NAALADL2: variants seen among roughly 807,000 people sequenced by gnomAD.
The protein encoded by NAALADL2 is inactive N-acetylated-alpha-linked acidic dipeptidase-like protein 2.
Under a neutral mutation model 87.2 loss-of-function variants are expected in NAALADL2, and 76 were observed. The ratio of observed to expected loss-of-function variants is 0.87; its 90% CI spans 0.72 to 1.05. The LOEUF (loss-of-function observed/expected upper bound fraction) is 1.05. Ranked by LOEUF, NAALADL2 falls within the 50% of genes least tolerant of loss-of-function variation. The pLI is 0.00. For synonymous variants in NAALADL2, 354 were observed against 331.0 expected (o/e 1.07, Z -0.75); for missense variants, 1,089 against 945.8 (o/e 1.15, Z -1.99).
At chr3:175,131,062 G>T (rs1247501036) in intron 2 of NAALADL2, among the ~76,000 whole-genome samples, 2 of 150,720 alleles carry the variant, frequency 1.3e-5, no homozygotes, top group Non-Finnish European at 3.0e-5. Flanking sequence ...CCATTTATTT[G>T]TGTCTTTTAA....
At chr3:174,687,603 A>G (rs1394634922) in intron 2 of NAALADL2, among the ~76,000 whole-genome samples, 1 of 152,106 alleles carries the variant, frequency 6.6e-6, no homozygotes, top group South Asian at 2.1e-4. Context: ...AAATAAATCG[A>G]CAAGTGCAAT....
At chr3:175,339,105 G>T (rs925235562) in intron 5 of NAALADL2, among the ~76,000 whole-genome samples, 1 of 152,210 alleles carries the variant, frequency 6.6e-6, no homozygotes, top group African/African-American at 2.4e-5. Context: ...GTGCTGGCAC[G>T]CAGTTCAAAG....
intron 1 of NAALADL2, among the ~76,000 whole-genome samples, chr3:175,039,965 T>G (rs1403265589): frequency 6.6e-6 from 1 of 152,164 alleles, no homozygotes; most frequent in Non-Finnish European, 1.5e-5. Flanking sequence ...AGTTTTTAGC[T>G]TTTCTTTACA....
intron 2 of NAALADL2, among the ~76,000 whole-genome samples, chr3:174,608,259 A>G (rs1160710305): frequency 6.6e-6 from 1 of 152,188 alleles, no homozygotes; most frequent in African/African-American, 2.4e-5. Flanking sequence ...TAAAAGAACT[A>G]GAAAAGCAAG....
intron 2 of NAALADL2, among the ~76,000 whole-genome samples, chr3:175,208,133 A>G (rs1388785496): frequency 6.6e-6 from 1 of 152,124 alleles, no homozygotes; most frequent in Non-Finnish European, 1.5e-5. Context: ...AGGAAACTTC[A>G]CTTACTCAAC....
intron 2 of NAALADL2, among the ~76,000 whole-genome samples, chr3:175,118,263 ATAAT>A (rs1330336097): frequency 2.6e-5 from 4 of 151,886 alleles, no homozygotes; most frequent in South Asian, 4.1e-4. Context: ...TATAATAATA[ATAAT>A]ACGAATTTCA....
At chr3:174,504,207 T>A (rs960972566) in intron 1 of NAALADL2, among the ~76,000 whole-genome samples, 3 of 152,178 alleles carry the variant, frequency 2.0e-5, no homozygotes, top group Non-Finnish European at 2.9e-5. Context: ...AATTGTATTG[T>A]GAAGGCATCA....
chr3:174,856,243 C>T (rs1388234710), upstream of NAALADL2, among the ~76,000 whole-genome samples: 18 of 151,904 alleles, frequency 1.2e-4, no homozygotes, highest in Admixed American at 1.2e-3. Context: ...TGGGCTTAAG[C>T]GATCCTTCTG....
At chr3:174,741,396 A>G (rs569489217) in intron 3 of NAALADL2, among the ~76,000 whole-genome samples, 1 of 151,686 alleles carries the variant, frequency 6.6e-6, no homozygotes, top group African/African-American at 2.4e-5. Context: ...AATGCACTTA[A>G]ATAATATAAA....
At chr3:175,434,182 T>G (rs750494428) in intron 5 of NAALADL2, among the ~76,000 whole-genome samples, 3 of 151,998 alleles carry the variant, frequency 2.0e-5, no homozygotes, top group Non-Finnish European at 2.9e-5. Context: ...ACCTCAAATT[T>G]AGATGTATGC....
intron 1 of NAALADL2, among the ~76,000 whole-genome samples, chr3:175,057,856 A>T (rs182325947): frequency 6.6e-6 from 1 of 152,218 alleles, no homozygotes; most frequent in Admixed American, 6.5e-5. Context: ...AGCTGTCACT[A>T]CTACATTGTT....
intron 1 of NAALADL2, among the ~76,000 whole-genome samples, chr3:174,901,549 G>A (rs908105793): frequency 2.0e-5 from 3 of 152,124 alleles, no homozygotes; most frequent in Admixed American, 1.3e-4. Context: ...AAGCCAAATG[G>A]GATCACCTTT....
At chr3:175,574,564 T>C (rs1030484991) in intron 9 of NAALADL2, among the ~76,000 whole-genome samples, 3 of 152,128 alleles carry the variant, frequency 2.0e-5, no homozygotes, top group Non-Finnish European at 4.4e-5. Flanking sequence ...GTTTCTCTTG[T>C]GTCTGGTTAC....
chr3:174,592,483 G>A (rs1231110018), intron 2 of NAALADL2, among the ~76,000 whole-genome samples: 1 of 152,080 alleles, frequency 6.6e-6, no homozygotes, highest in African/African-American at 2.4e-5. Flanking sequence ...GTTAGGTAAG[G>A]ATTGGGACCT....
intron 1 of NAALADL2, among the ~76,000 whole-genome samples, chr3:174,867,903 T>G (rs1727355592): frequency 6.6e-6 from 1 of 152,084 alleles, no homozygotes; most frequent in Non-Finnish European, 1.5e-5. Flanking sequence ...TCTAGTTCTG[T>G]GTTACAGTGA....
At chr3:175,030,332 G>T (rs1553920309) in intron 1 of NAALADL2, among the ~76,000 whole-genome samples, 1 of 151,938 alleles carries the variant, frequency 6.6e-6, no homozygotes, top group Non-Finnish European at 1.5e-5. Flanking sequence ...GACGAGTTTT[G>T]TTACTTTTCT....
chr3:174,548,243 T>G (rs986616924), intron 1 of NAALADL2, among the ~76,000 whole-genome samples: 1 of 152,274 alleles, frequency 6.6e-6, no homozygotes, highest in East Asian at 1.9e-4. Flanking sequence ...GAGTATTATA[T>G]AGCTCTTAAA....
intron 1 of NAALADL2, among the ~76,000 whole-genome samples, chr3:175,013,293 A>ATTTTTT (rs1317049254): frequency 2.5e-5 from 2 of 79,760 alleles, no homozygotes; most frequent in East Asian, 3.2e-4. Context: ...ATATATATAT[A>ATTTTTT]TATATATATT....
chr3:174,651,879 A>T (rs183754453), intron 2 of NAALADL2, among the ~76,000 whole-genome samples: 2 of 152,320 alleles, frequency 1.3e-5, no homozygotes, highest in Non-Finnish European at 2.9e-5. Context: ...TTAAAATCCT[A>T]TGTTTAAAAC....
Sources: allele counts gnomAD v4.1 joint callset (sites outside exome capture counted in the v4.1 genomes callset), GRCh38; gene constraint gnomAD v4.1.1; transcripts MANE v1.5; gene names NCBI Gene and HGNC (gene_info 2026-07-23, HGNC 2026-07-21).